ZRANB3: variants seen among roughly 807,000 people sequenced by gnomAD.
ZRANB3 encodes zinc finger RANBP2-type containing 3.
Under a neutral mutation model 133.8 loss-of-function variants are expected in ZRANB3, and 125 were observed. The observed-to-expected ratio is 0.93, with a 90% confidence interval of 0.81 to 1.08. The LOEUF (loss-of-function observed/expected upper bound fraction) is 1.08. Among genes scored for constraint, ZRANB3 ranks in the 50% least tolerant of loss-of-function variants. The probability of loss-of-function intolerance (pLI) is 0.00; values close to 1 mark genes in which losing one functional copy is unlikely to be tolerated. For synonymous variants in ZRANB3, 387 were observed against 432.7 expected (o/e 0.89, Z 1.31); for missense variants, 1,229 against 1,275.5 (o/e 0.96, Z 0.56).
At position 135,224,514 on chromosome 2, in the gene ZRANB3, T is replaced by C. The variant is rs1325298918; in HGVS notation, c.2162A>G (p.Gln721Arg). 1.9e-6 allele frequency: 3 copies of C among 1,611,162 alleles called. No homozygotes were observed. The highest frequency in any genetic ancestry group is 4.5e-5 in the East Asian group (2 of 44,822). ...DGLTSQPGNE[Q>R]WKSSDTLPVY... Reference sequence around the variant, plus strand: ...TGGCAAAGTGTCTGAACTCTTCCACTGTTCTATTAAAGAAGACAAAAGAGA... The same window carrying C: ...TGGCAAAGTGTCTGAACTCTTCCACCGTTCTATTAAAGAAGACAAAAGAGA... The change falls in exon 15 of 21, where the codon CAG (glutamine) becomes CGG (arginine). Residue 721 changes from glutamine to arginine, a missense_variant. Coordinates refer to ENST00000264159, the MANE Select transcript of ZRANB3 (RefSeq NM_032143.4).
chr2:135,345,036 A>G (rs2104865752), intron 6 of ZRANB3: 1 of 152,536 alleles, frequency 6.6e-6, no homozygotes, highest in African/African-American at 2.4e-5. Flanking sequence ...TTACTTTTGT[A>G]TAATTTACAT....
chr2:135,332,641 C>G (rs1684200280), intron 6 of ZRANB3, among the ~76,000 whole-genome samples: 1 of 152,136 alleles, frequency 6.6e-6, no homozygotes, highest in South Asian at 2.1e-4. Context: ...CTAAAACCTA[C>G]TCCAACTATC....
In ZRANB3 at chr2:135,249,252, C is replaced by A. The variant is rs529305734; in HGVS notation, c.1539+16282G>T. On this transcript the variant is annotated intron_variant, in intron 12 of 20. Transcript: ENST00000264159. ...CAGCAATCCCATTACTGGGCATATG[C>A]CCAGAGGAATAGAAATCATTCTACC... Among the ~76,000 whole-genome samples, 44 of 152,254 alleles carry A rather than the reference C, an allele frequency of 2.9e-4. 1 individual carries two copies. The highest frequency in any genetic ancestry group is 1.1e-3 in the African/African-American group (44 of 41,542).
At chr2:135,394,953 CA>C (rs113220872) in intron 2 of ZRANB3, among the ~76,000 whole-genome samples, 7,941 of 43,272 alleles carry the variant, frequency 0.18, 236 homozygotes, top group African/African-American at 0.3. Flanking sequence ...CTTGTCTCTA[CA>C]AAAAAAAAAA....
At chr2:135,295,625 G>C (rs4452208) in intron 8 of ZRANB3, among the ~76,000 whole-genome samples, 15,798 of 152,140 alleles carry the variant, frequency 0.1, 1,045 homozygotes, top group South Asian at 0.31. Context: ...TCATTATGAT[G>C]TTAGCTGGTT....
chr2:135,306,539 G>A (rs1459048265), intron 8 of ZRANB3, among the ~76,000 whole-genome samples: 2 of 148,966 alleles, frequency 1.3e-5, no homozygotes, highest in Non-Finnish European at 1.5e-5. Flanking sequence ...TGATCCACCC[G>A]TCTCGGCCTC....
At chr2:135,213,658 A>G (rs1251666633) in intron 17 of ZRANB3, among the ~76,000 whole-genome samples, 1 of 152,198 alleles carries the variant, frequency 6.6e-6, no homozygotes, top group Admixed American at 6.5e-5. Context: ...AACTTAATAC[A>G]GATCCTCATC....
intron 8 of ZRANB3, among the ~76,000 whole-genome samples, chr2:135,288,147 T>C (rs1353320440): frequency 6.6e-6 from 1 of 152,204 alleles, no homozygotes; most frequent in Non-Finnish European, 1.5e-5. Flanking sequence ...CACAAAAGGA[T>C]GCTGGATTTT....
At position 135,270,520 on chromosome 2, in the gene ZRANB3, C is replaced by T. The variant is rs77513523; in HGVS notation, c.1206+1248G>A. On this transcript the variant is annotated intron_variant, in intron 10 of 20. Transcript: ENST00000264159. ...AAAGGTCCTAGACTCTCCTGTCTGG[C>T]TTTCTCCTACTTAGCACCTCCCCAG... Among the ~76,000 whole-genome samples the T allele has an allele frequency of 3.1e-3, 479 of 152,304 alleles. 23 individuals carry two copies. In the East Asian group the frequency reaches 0.083, roughly 26 times the overall value.
chr2:135,520,248 G>A (rs190297283), intron 1 of ZRANB3, among the ~76,000 whole-genome samples: 428 of 151,804 alleles, frequency 2.8e-3, no homozygotes, highest in African/African-American at 9.1e-3. Context: ...ATAATTAGCC[G>A]GGCATGGTGG....
chr2:135,362,557 G>A (rs559856074), intron 3 of ZRANB3, among the ~76,000 whole-genome samples: 2 of 152,356 alleles, frequency 1.3e-5, no homozygotes, highest in East Asian at 1.9e-4. Flanking sequence ...GTAGTCCAAA[G>A]CATGGCTTAG....
chr2:135,365,438 T>C (rs1308697667), intron 3 of ZRANB3, among the ~76,000 whole-genome samples: 1 of 152,250 alleles, frequency 6.6e-6, no homozygotes, highest in Non-Finnish European at 1.5e-5. Context: ...AAGTGCTATA[T>C]ATAAGGCTCA....
chr2:135,220,390 A>G (rs961313231), intron 15 of ZRANB3, among the ~76,000 whole-genome samples: 2 of 152,028 alleles, frequency 1.3e-5, no homozygotes, highest in East Asian at 1.9e-4. Context: ...AAAACATACA[A>G]AAAGTAGGCA....
At chr2:135,316,967 G>GAAAAAAA (rs36092486) in intron 6 of ZRANB3, among the ~76,000 whole-genome samples, 9 of 98,120 alleles carry the variant, frequency 9.2e-5, no homozygotes, top group African/African-American at 2.5e-4. Context: ...TCCGTCTCGA[G>GAAAAAAA]AAAAAAAAAA....
intron 3 of ZRANB3, among the ~76,000 whole-genome samples, chr2:135,381,521 G>C (rs1166831111): frequency 6.6e-6 from 1 of 152,182 alleles, no homozygotes; most frequent in Admixed American, 6.5e-5. Flanking sequence ...CACACAGCTG[G>C]AGATCTGAGA....
At chr2:135,227,401 A>AT (rs1389710340) in intron 14 of ZRANB3, among the ~76,000 whole-genome samples, 5 of 152,212 alleles carry the variant, frequency 3.3e-5, no homozygotes, top group African/African-American at 9.7e-5. Context: ...TATGCCAATT[A>AT]AGTATAACTA....
Position 135,271,898 on chromosome 2 carries a change from C to G in ZRANB3, c.1087-11G>C, listed in dbSNP as rs200085792. The G allele has an allele frequency of 6.2e-7, 1 of 1,606,116 alleles. No homozygotes were observed. Among genetic ancestry groups the G allele is most frequent in the East Asian group, 2.2e-5 (1 of 44,704 alleles). ...CCTAATGTAACGAGTCTAGCATCAA[C>G]AAGGAAAACGGCAAAATTAGGACAA... On this transcript the variant is annotated splice_polypyrimidine_tract_variant and intron_variant, in intron 9 of 20. Transcript: ENST00000264159.
chr2:135,486,223 TAGA>T (rs1692114082), intron 2 of ZRANB3, among the ~76,000 whole-genome samples: 1 of 152,160 alleles, frequency 6.6e-6, no homozygotes, highest in South Asian at 2.1e-4. Flanking sequence ...TTAGTAACAG[TAGA>T]AGTTCTTTCA....
At chr2:135,482,339 G>GT (rs1691859171) in intron 2 of ZRANB3, among the ~76,000 whole-genome samples, 1 of 138,292 alleles carries the variant, frequency 7.2e-6, no homozygotes, top group Admixed American at 7.2e-5. Flanking sequence ...CACATCCCTT[G>GT]TAAGTTGGAT....
Sources: gnomAD v4.1 joint callset for allele counts (sites outside exome capture counted in the v4.1 genomes callset) on GRCh38, gnomAD v4.1.1 for gene constraint, MANE v1.5 for transcripts, NCBI Gene and HGNC (gene_info 2026-07-23, HGNC 2026-07-21) for gene names.